The following PGGHG variants were observed in gnomAD, a reference collection of about 807,000 sequenced individuals.
The protein encoded by PGGHG is protein-glucosylgalactosylhydroxylysine glucosidase, also known as ATH1, acid trehalase-like 1.
In PGGHG, 67 loss-of-function variants were observed where a neutral mutation model predicts 74.5. The ratio of observed to expected loss-of-function variants is 0.90; its 90% CI spans 0.74 to 1.10. PGGHG has a LOEUF of 1.10. Ranked by LOEUF, PGGHG falls within the 50% of genes least tolerant of loss-of-function variation. PGGHG has a pLI of 0.00. For synonymous variants in PGGHG, 496 were observed against 419.9 expected (o/e 1.18, Z -2.21); for missense variants, 1,034 against 981.5 (o/e 1.05, Z -0.72).
intron 5 of PGGHG, 44 bp from the exon 6 acceptor site, chr11:292,502 C>T (rs1336053593): frequency 6.2e-7 from 1 of 1,600,390 alleles, no homozygotes; most frequent in African/African-American, 1.3e-5. Context: ...GGGGCCACCG[C>T]TCCCCTCCAA....
chr11:291,710 T>TG (rs34140225), intron 4 of PGGHG: 128,780 of 417,378 alleles, frequency 0.31, 24,055 homozygotes, highest in Middle Eastern at 0.41. Flanking sequence ...AAGCTGCCCA[T>TG]GCGCATATTC....
chr11:292,386 T>C (rs1434858490), intron 5 of PGGHG, among the ~76,000 whole-genome samples, 160 bp from the exon 6 acceptor site: 2 of 152,076 alleles, frequency 1.3e-5, no homozygotes, highest in Admixed American at 6.5e-5. Context: ...AGAAGCCACC[T>C]GGCCCCGTGA....
chr11:291,138 G>A, intron 4 of PGGHG, 25 bp downstream of exon 4: 1 of 1,533,870 alleles, frequency 6.5e-7, no homozygotes, highest in Non-Finnish European at 8.8e-7. Flanking sequence ...CCCAGCACCA[G>A]CCACACAGCA....
chr11:293,750 G>A (rs548517048), intron 10 of PGGHG, 23 bp downstream of exon 10: 1 of 1,613,356 alleles, frequency 6.2e-7, no homozygotes, highest in Admixed American at 1.7e-5. Flanking sequence ...GGGCTGTGGA[G>A]TTCCTACCCC....
intron 7 of PGGHG, 75 bp from the exon 8 acceptor site, chr11:293,088 C>G (rs772373475): frequency 3.1e-6 from 5 of 1,613,818 alleles, no homozygotes; most frequent in Non-Finnish European, 3.4e-6. Flanking sequence ...TGTGCCAGCC[C>G]CACGCTGACC....
intron 4 of PGGHG, 122 bp from the exon 5 acceptor site, chr11:291,853 TG>T: frequency 7.3e-7 from 1 of 1,372,572 alleles, no homozygotes; most frequent in Non-Finnish European, 9.6e-7. Context: ...CAGATCTGAG[TG>T]GGCAGCCGAG....
chr11:294,452 C>T lies in PGGHG; in HGVS notation c.1994C>T (p.Ser665Phe), dbSNP rs1299406113. 6.2e-7 allele frequency: 1 copy of T among 1,611,396 alleles called. No homozygotes were observed. Among genetic ancestry groups the T allele is most frequent in the African/African-American group, 1.3e-5 (1 of 74,872 alleles). ...APHLEAELWP[S>F]QSRLSLLPGH... ...CACCTGGAGGCTGAGCTGTGGCCAT[C>T]CCAGTCCCGGCTCTCCCTGTTGCCA... Residue 665 changes from serine to phenylalanine, a missense_variant, in exon 13 of 14, where the codon TCC becomes TTC. By Grantham distance (155) the Ser-to-Phe change is radical. Transcript: ENST00000409548.
At chr11:293,528 T>C (rs1845789477) in intron 9 of PGGHG, 26 bp downstream of exon 9, 1 of 1,611,684 alleles carries the variant, frequency 6.2e-7, no homozygotes, top group African/African-American at 1.3e-5. Context: ...CAAGGGCTCC[T>C]CCCCTGCCGT....
In PGGHG at chr11:295,006, C is replaced by T. The variant is rs2242564; in HGVS notation, c.*257C>T. On this transcript the variant is annotated 3_prime_UTR_variant, in exon 14 of 14. Transcript: ENST00000409548. ...CCTGTGGACTGATGCTATCGCGCAC[C>T]GTCCCACGACCCCACCCCGAGCTCC... 1.4e-4 allele frequency: 53 copies of T among 383,088 alleles called. No homozygotes were observed. The Admixed American group carries it at 1.9e-3, about 14-fold the overall frequency. The allele number at this position is 383,088 out of a possible 1,614,324, so 23.7% of individuals were successfully genotyped here. A position where few individuals can be genotyped will look rare whatever the true frequency, so the allele number is the denominator to read the frequency against.
rs1176908808 is a variant in PGGHG, at chr11:292,891, G to A, written c.1164G>A (p.Leu388=). Residue 388 remains leucine (L), a synonymous_variant, in exon 7 of 14, where the codon CTG becomes CTA. Transcript: ENST00000409548. ...FELYYHTTQD[L]QLFREAGGWD... ...TGCCTCCTCCTGCTCCCCAGGACCT[G>A]CAGCTATTTCGAGAGGCTGGTGGCT... 3.7e-6 allele frequency: 6 copies of A among 1,613,972 alleles called. No homozygotes were observed. The highest frequency in any genetic ancestry group is 1.1e-5 in the South Asian group (1 of 91,086).
rs1196480835 is a variant in PGGHG, at chr11:290,784, G to A, written c.577G>A (p.Glu193Lys). ...APPDLTLGEG[E>K]EARTWDFLTA... ...CCCAGACCTGACCCTTGGGGAAGGT[G>A]AGGAGGCTAGGACGTGGGACTTCCT... is the stretch of plus-strand genomic sequence containing the variant. The change falls in exon 4 of 14, where the codon GAG becomes AAG. Residue 193 changes from glutamate (E) to lysine (K), a missense_variant. Coordinates refer to ENST00000409548, the MANE Select transcript of PGGHG (RefSeq NM_025092.5). 4 of 1,612,590 alleles carry A rather than the reference G, an allele frequency of 2.5e-6. No individual in the cohort carries two copies. The highest frequency in any genetic ancestry group is 1.7e-5 in the Admixed American group (1 of 59,948).
chr11:291,749 G>A lies in PGGHG; in HGVS notation c.907-227G>A, dbSNP rs1432660244. 5 of 541,692 alleles carry A rather than the reference G, an allele frequency of 9.2e-6. No individual in the cohort carries two copies. In the Admixed American group the frequency reaches 1.5e-4, roughly 17 times the overall value. The allele number at this position is 541,692 out of a possible 1,614,324, so 33.6% of individuals were successfully genotyped here. A position where few individuals can be genotyped will look rare whatever the true frequency, so the allele number is the denominator to read the frequency against. ...CTGGAGCCTCTGAGGCCACACAAAC[G>A]CCGGCTGGGGAGGCGAAGTGTGGGG... On this transcript the variant is annotated intron_variant, in intron 4 of 13. Transcript: ENST00000409548.
At position 290,050 on chromosome 11, in the gene PGGHG, G is replaced by A. The variant is rs139686173; in HGVS notation, c.234G>A (p.Glu78=). The A allele has an allele frequency of 0.016, 24,647 of 1,540,004 alleles. 259 individuals are homozygous for A. The highest frequency in any genetic ancestry group is 0.025 in the South Asian group (2,128 of 83,838). Residue 78 remains glutamate (E), a synonymous_variant, in exon 2 of 14, where the codon GAG becomes GAA. Coordinates refer to ENST00000409548, the MANE Select transcript of PGGHG (RefSeq NM_025092.5). ...CAGGGATGGGGGAGCAGCTGACCGAGACCTTCGCCCTGGACACCAACACAG... is the reference window on the plus strand; with the variant it reads ...CAGGGATGGGGGAGCAGCTGACCGAAACCTTCGCCCTGGACACCAACACAG... ...APAGMGEQLT[E]TFALDTNTGS...
Position 289,810 on chromosome 11 carries a change from C to G in PGGHG, c.-7C>G. ...ACCCCATCAGGCCGCTCAGGCCCAG[C>G]AGCTCCATGGAGGACGCCGGCGAGG... On this transcript the variant is annotated 5_prime_UTR_variant, in exon 2 of 14. Transcript: ENST00000409548. The surrounding 1 kb of genome is among the most constrained non-coding windows in gnomAD (Gnocchi z 5.6). The G allele has an allele frequency of 6.5e-7, 1 of 1,548,020 alleles. No individual in the cohort carries two copies. Among genetic ancestry groups the G allele is most frequent in the Non-Finnish European group, 8.7e-7 (1 of 1,145,490 alleles).
Position 291,903 on chromosome 11 carries a change from G to C in PGGHG, c.907-73G>C, listed in dbSNP as rs1018960011. 18 of 1,517,558 alleles carry C rather than the reference G, an allele frequency of 1.2e-5. No homozygotes were observed. The Admixed American group carries it at 2.4e-4, about 20-fold the overall frequency. 94.0% of individuals were successfully genotyped at this position (1,517,558 alleles called of 1,614,324 possible). A position where few individuals can be genotyped will look rare whatever the true frequency, so the allele number is the denominator to read the frequency against. On this transcript the variant is annotated intron_variant, in intron 4 of 13. Coordinates refer to ENST00000409548, the MANE Select transcript of PGGHG (RefSeq NM_025092.5). Reference sequence around the variant, plus strand: ...GACGCCAGCGATGGAGCTCTGCCGGGGCGGAATGTGGCCAGGAGGGGCGGG... The same window carrying C: ...GACGCCAGCGATGGAGCTCTGCCGGCGCGGAATGTGGCCAGGAGGGGCGGG...
Position 293,384 on chromosome 11 carries a change from C to T in PGGHG, c.1362C>T (p.Ala454=). Reference sequence around the variant, plus strand: ...CCTCCAGCCTGCGCTTTGCTGCTGCCCTGGCCCAGGACCTGGGTCTTCCCA... The same window carrying T: ...CCTCCAGCCTGCGCTTTGCTGCTGCTCTGGCCCAGGACCTGGGTCTTCCCA... ...LVQNSLRFAA[A]LAQDLGLPIP... The change falls in exon 9 of 14, where the codon GCC becomes GCT. Residue 454 remains alanine, a synonymous_variant. Coordinates refer to ENST00000409548, the MANE Select transcript of PGGHG (RefSeq NM_025092.5). The T allele has an allele frequency of 1.9e-6, 3 of 1,612,422 alleles. No individual in the cohort carries two copies. The highest frequency in any genetic ancestry group is 8.5e-7 in the Non-Finnish European group (1 of 1,179,906).
At position 293,941 on chromosome 11, in the gene PGGHG, C is replaced by A; in HGVS notation, c.1710+16C>A. The A allele has an allele frequency of 1.2e-6, 2 of 1,607,344 alleles. No individual in the cohort carries two copies. Among genetic ancestry groups the A allele is most frequent in the Non-Finnish European group, 1.7e-6 (2 of 1,177,130 alleles). On this transcript the variant is annotated intron_variant, in intron 11 of 13. Coordinates refer to ENST00000409548, the MANE Select transcript of PGGHG (RefSeq NM_025092.5). ...ACCCTTCAAGGTCAGCCTGGCCACA[C>A]CTGCCTCCCACTGGGCCCCTTGTGG... is the stretch of plus-strand genomic sequence containing the variant.
At position 290,902 on chromosome 11, in the gene PGGHG, C is replaced by T. The variant is rs1041117526; in HGVS notation, c.695C>T (p.Ala232Val). 3 of 1,611,870 alleles carry T rather than the reference C, an allele frequency of 1.9e-6. No individual in the cohort carries two copies. The highest frequency in any genetic ancestry group is 4.5e-5 in the East Asian group (2 of 44,840). ...AGGGGAGCTCTGTATACGGCTCACGCACAGGCCTGGGCCCAGCTCTGGGTA... is the reference window on the plus strand; with the variant it reads ...AGGGGAGCTCTGTATACGGCTCACGTACAGGCCTGGGCCCAGCTCTGGGTA... ...QARGALYTAHAQAWAQLWVEC... is the reference protein window; with the variant it reads ...QARGALYTAHVQAWAQLWVEC... The change falls in exon 4 of 14, where the codon GCA becomes GTA. Residue 232 changes from alanine to valine, a missense_variant. Transcript: ENST00000409548.
At position 295,756 on chromosome 11, in the gene PGGHG, C is replaced by G; in HGVS notation, c.*1007C>G. 6.6e-6 allele frequency: 1 copy of G among 152,268 alleles called. No individual in the cohort carries two copies. The highest frequency in any genetic ancestry group is 1.9e-4 in the East Asian group (1 of 5,204). The allele number at this position is 152,268 out of a possible 1,614,324, so 9.4% of individuals were successfully genotyped here. A position where few individuals can be genotyped will look rare whatever the true frequency, so the allele number is the denominator to read the frequency against. On this transcript the variant is annotated 3_prime_UTR_variant, in exon 14 of 14. Transcript: ENST00000409548. ...GTCCCATTTCTCCTTTCACTTGAGT[C>G]GGGAAGCACAGCAACTTTAAGGCTC...
Sources: gnomAD v4.1 joint callset for allele counts (sites outside exome capture counted in the v4.1 genomes callset) on GRCh38, gnomAD v4.1.1 for gene constraint, Gnocchi (gnomAD v3.1) non-coding constraint, MANE v1.5 for transcripts, NCBI Gene and HGNC (gene_info 2026-07-23, HGNC 2026-07-21) for gene names.